The following PARN variants were observed in gnomAD, a reference collection of about 807,000 sequenced individuals.
PARN encodes the protein poly(A)-specific ribonuclease PARN.
In PARN, 71 loss-of-function variants were observed where a neutral mutation model predicts 102.8. The ratio of observed to expected loss-of-function variants is 0.69; its 90% CI spans 0.57 to 0.84. The LOEUF is 0.84. Among genes scored for constraint, PARN ranks in the 40% least tolerant of loss-of-function variants. PARN has a pLI of 0.00. For missense variants in PARN, 782 were observed against 760.9 expected (o/e 1.03, Z -0.33); for synonymous variants, 261 against 252.9 (o/e 1.03, Z -0.30).
chr16:14,509,870 T>C (rs1375210982), intron 21 of PARN, among the ~76,000 whole-genome samples: 5 of 152,344 alleles, frequency 3.3e-5, no homozygotes, highest in Non-Finnish European at 2.9e-5. Flanking sequence ...TCCTTGTTAT[T>C]GCTTTGGATC....
intron 5 of PARN, among the ~76,000 whole-genome samples, chr16:14,618,096 C>A (rs569823300): frequency 6.6e-6 from 1 of 152,112 alleles, no homozygotes; most frequent in South Asian, 2.1e-4. Flanking sequence ...CAGAGGTGGG[C>A]ACATCACTTG....
At chr16:14,443,364 G>C (rs1961034322) in intron 23 of PARN, among the ~76,000 whole-genome samples, 1 of 144,288 alleles carries the variant, frequency 6.9e-6, no homozygotes, top group Non-Finnish European at 1.5e-5. Flanking sequence ...TTTTGAGACA[G>C]AGTTTCGCTC....
intron 22 of PARN, among the ~76,000 whole-genome samples, chr16:14,453,645 T>C (rs995542905): frequency 1.3e-5 from 2 of 152,212 alleles, no homozygotes; most frequent in Non-Finnish European, 2.9e-5. Flanking sequence ...ATAGTCCTAT[T>C]TATATAGTTT....
chr16:14,511,406 C>T (rs1417932614), intron 21 of PARN, among the ~76,000 whole-genome samples: 1 of 151,820 alleles, frequency 6.6e-6, no homozygotes, highest in Non-Finnish European at 1.5e-5. Context: ...TCCATTCCCA[C>T]TGCTGAGAAA....
At chr16:14,620,585 A>C (rs956441022) in intron 5 of PARN, among the ~76,000 whole-genome samples, 7 of 152,184 alleles carry the variant, frequency 4.6e-5, no homozygotes, top group African/African-American at 1.2e-4. Context: ...CTGTACTTTG[A>C]CATTATGCCA....
intron 23 of PARN, among the ~76,000 whole-genome samples, chr16:14,440,941 G>T (rs1337347615): frequency 6.6e-6 from 1 of 152,276 alleles, no homozygotes; most frequent in South Asian, 2.1e-4. Flanking sequence ...GTGGTTATAT[G>T]ACTGTACACA....
intron 21 of PARN, among the ~76,000 whole-genome samples, chr16:14,529,085 C>A (rs1966172072): frequency 6.6e-6 from 1 of 152,166 alleles, no homozygotes; most frequent in African/African-American, 2.4e-5. Flanking sequence ...ATAAAAGTGT[C>A]ACTTCACCGT....
chr16:14,518,180 T>G (rs541117563), intron 21 of PARN, among the ~76,000 whole-genome samples: 29 of 136,568 alleles, frequency 2.1e-4, no homozygotes, highest in Non-Finnish European at 4.5e-4. Context: ...AGAGAATAAA[T>G]AAAACAGACC....
chr16:14,545,686 G>A (rs762821238), intron 21 of PARN, among the ~76,000 whole-genome samples: 7 of 152,148 alleles, frequency 4.6e-5, no homozygotes, highest in Non-Finnish European at 1.0e-4. Context: ...CATTGGGGCA[G>A]ACTTGTAAGC....
chr16:14,522,349 T>C (rs1965781159), intron 21 of PARN, among the ~76,000 whole-genome samples: 1 of 152,168 alleles, frequency 6.6e-6, no homozygotes. Flanking sequence ...AGAACTTTTT[T>C]TCCTAAATGC....
intron 20 of PARN, 48 bp from the exon 21 acceptor site, chr16:14,552,143 G>C: frequency 1.7e-6 from 2 of 1,184,132 alleles, no homozygotes; most frequent in Non-Finnish European, 2.5e-6. Flanking sequence ...CATGTGGAGA[G>C]CTATTAGATT....
intron 21 of PARN, among the ~76,000 whole-genome samples, chr16:14,519,549 C>T (rs1452328167): frequency 6.6e-6 from 1 of 152,080 alleles, no homozygotes; most frequent in Non-Finnish European, 1.5e-5. Context: ...GAGCCTGGAA[C>T]ATCTTGTCAT....
chr16:14,529,121 T>C (rs1966175262), intron 21 of PARN, among the ~76,000 whole-genome samples: 1 of 152,084 alleles, frequency 6.6e-6, no homozygotes, highest in Non-Finnish European at 1.5e-5. Flanking sequence ...CCTGAGCGAG[T>C]GCCTAACCAA....
chr16:14,534,752 G>A (rs1025053999), intron 21 of PARN, among the ~76,000 whole-genome samples: 19 of 151,922 alleles, frequency 1.3e-4, no homozygotes, highest in South Asian at 4.1e-4. Context: ...TCCCCACATC[G>A]CTCCACTTCA....
chr16:14,480,855 C>T (rs1963338469), intron 22 of PARN, among the ~76,000 whole-genome samples: 1 of 152,100 alleles, frequency 6.6e-6, no homozygotes, highest in Admixed American at 6.6e-5. Context: ...GCCCGTGAAT[C>T]ACTTAATCCC....
intron 21 of PARN, among the ~76,000 whole-genome samples, chr16:14,509,293 T>C (rs551565948): frequency 6.6e-6 from 1 of 152,248 alleles, no homozygotes; most frequent in East Asian, 1.9e-4. Context: ...AGATAATCTC[T>C]TGGCAACATC....
At chr16:14,491,976 C>T (rs62037465) in intron 21 of PARN, among the ~76,000 whole-genome samples, 11,470 of 152,224 alleles carry the variant, frequency 0.075, 525 homozygotes, top group Admixed American at 0.14. Flanking sequence ...GAGGCCCTGG[C>T]TCTGGCTCGA....
At chr16:14,551,691 G>A (rs1967313180) in intron 21 of PARN, among the ~76,000 whole-genome samples, 1 of 152,164 alleles carries the variant, frequency 6.6e-6, no homozygotes, top group Admixed American at 6.5e-5. Context: ...ACAGGTCAAT[G>A]TAAGTATTAA....
chr16:14,609,939 C>T (rs1971422754), intron 7 of PARN, among the ~76,000 whole-genome samples: 1 of 152,136 alleles, frequency 6.6e-6, no homozygotes, highest in African/African-American at 2.4e-5. Context: ...AGGGGCTGGA[C>T]AATGGCTCAC....
Sources: allele counts gnomAD v4.1 joint callset (sites outside exome capture counted in the v4.1 genomes callset), GRCh38; gene constraint gnomAD v4.1.1; transcripts MANE v1.5; gene names NCBI Gene and HGNC (gene_info 2026-07-23, HGNC 2026-07-21).